The following MBP variants were observed in gnomAD, a reference collection of about 807,000 sequenced individuals.
MBP encodes the protein myelin basic protein, also known as Golli-MBP.
In MBP, 16 loss-of-function variants were observed where a neutral mutation model predicts 35.8. That is an observed-to-expected ratio of 0.45 (90% CI 0.30 to 0.68). The LOEUF (loss-of-function observed/expected upper bound fraction) is 0.68, where lower values mean the gene tolerates loss of function less well. Ranked by LOEUF, MBP falls within the 30% of genes least tolerant of loss-of-function variation. The probability of loss-of-function intolerance (pLI) is 0.08; values close to 1 mark genes in which losing one functional copy is unlikely to be tolerated. For synonymous variants in MBP, 143 were observed against 159.6 expected, an observed-to-expected ratio of 0.90 and a Z score of 0.78; for missense variants, 380 against 404.7, an observed-to-expected ratio of 0.94 and a Z score of 0.52.
At chr18:77,046,258 T>C (rs1217074270) in intron 3 of MBP, among the ~76,000 whole-genome samples, 1 of 152,224 alleles carries the variant, frequency 6.6e-6, no homozygotes, top group Non-Finnish European at 1.5e-5. Context: ...ACTCTGCCTA[T>C]TCTAGAACAT....
In MBP at chr18:77,044,146, C is replaced by G. The variant is rs773701106; in HGVS notation, c.139+22152G>C. On this transcript the variant is annotated intron_variant, in intron 3 of 8. Coordinates refer to ENST00000355994, the MANE Select transcript of MBP (RefSeq NM_001025101.2). This position sits in a 1 kb window ranked among gnomAD's most constrained non-coding sequence, Gnocchi z 4.4. ...GCACACTGGGCTGGTCTGCAGAGGT[C>G]GAATGCACTCCCTGGTGACTTACAC... Among the ~76,000 whole-genome samples the G allele has an allele frequency of 3.3e-5, 5 of 152,124 alleles. No homozygotes were observed. Among genetic ancestry groups the G allele is most frequent in the Non-Finnish European group, 7.4e-5 (5 of 68,014 alleles).
chr18:77,025,725 T>TTTTTTTTTTTTTTA (rs1972192065), intron 3 of MBP, among the ~76,000 whole-genome samples: 2 of 150,032 alleles, frequency 1.3e-5, no homozygotes, highest in Admixed American at 6.6e-5. Context: ...TTTTTTTTTT[T>TTTTTTTTTTTTTTA]ACCTAGAGCA....
At chr18:77,043,408 A>G (rs1200203731) in intron 3 of MBP, among the ~76,000 whole-genome samples, 1 of 152,036 alleles carries the variant, frequency 6.6e-6, no homozygotes, top group Non-Finnish European at 1.5e-5. Context: ...TTCTGTTTTT[A>G]TCGCAGGGAC....
intron 2 of MBP, among the ~76,000 whole-genome samples, chr18:77,098,164 CTTCCT>C (rs1975841782): frequency 1.3e-5 from 1 of 75,310 alleles, no homozygotes; most frequent in African/African-American, 4.2e-5. Context: ...GACACAAGGA[CTTCCT>C]TTTTTTTTTT....
chr18:77,035,362 C>G (rs1465207444), intron 3 of MBP, among the ~76,000 whole-genome samples: 3 of 152,168 alleles, frequency 2.0e-5, no homozygotes, highest in Non-Finnish European at 4.4e-5. Context: ...TGTTGTGTGC[C>G]CAGTAGATGT....
intron 1 of MBP, among the ~76,000 whole-genome samples, chr18:77,121,318 A>T (rs1228605405): frequency 2.1e-5 from 3 of 142,028 alleles, no homozygotes; most frequent in East Asian, 2.1e-4. Context: ...TCAAAAAAAA[A>T]AAAATAAATA....
At chr18:76,997,971 C>T (rs1459683662) in intron 4 of MBP, among the ~76,000 whole-genome samples, 3 of 152,334 alleles carry the variant, frequency 2.0e-5, no homozygotes, top group African/African-American at 2.4e-5. Context: ...CGTGAGCCAC[C>T]ACGCCCGGCC....
chr18:77,128,483 G>C (rs547954701), intron 1 of MBP, among the ~76,000 whole-genome samples: 69 of 151,600 alleles, frequency 4.6e-4, no homozygotes, highest in African/African-American at 1.6e-3. Flanking sequence ...GGTTCTACAT[G>C]GGTGATAAAA....
At chr18:77,117,559 T>C (rs1345077157) in intron 1 of MBP, among the ~76,000 whole-genome samples, 4 of 152,228 alleles carry the variant, frequency 2.6e-5, no homozygotes, top group African/African-American at 9.6e-5. Context: ...AACACATTCA[T>C]AGTTCCGTGG....
intron 2 of MBP, among the ~76,000 whole-genome samples, chr18:77,094,129 A>T (rs894047177): frequency 2.6e-5 from 4 of 151,940 alleles, no homozygotes; most frequent in Non-Finnish European, 5.9e-5. Flanking sequence ...GGTGTTCACC[A>T]CTACACCTGG....
At chr18:77,042,266 G>T (rs1363283769) in intron 3 of MBP, among the ~76,000 whole-genome samples, 1 of 152,120 alleles carries the variant, frequency 6.6e-6, no homozygotes, top group Non-Finnish European at 1.5e-5. Context: ...TGAAAACCTG[G>T]AAAACCTCCT....
intron 4 of MBP, among the ~76,000 whole-genome samples, chr18:76,993,821 G>A (rs1970112661): frequency 6.6e-6 from 1 of 152,150 alleles, no homozygotes; most frequent in African/African-American, 2.4e-5. Context: ...ACAGAGGAGT[G>A]GAGTTTGCAC....
intron 3 of MBP, among the ~76,000 whole-genome samples, chr18:77,025,698 T>C (rs952542774): frequency 9.0e-5 from 13 of 144,492 alleles, no homozygotes; most frequent in Non-Finnish European, 1.8e-4. Context: ...TGTCCTCTAT[T>C]GAAATACTTT....
intron 4 of MBP, chr18:77,016,320 C>T: frequency 1.5e-5 from 15 of 987,346 alleles, no homozygotes; most frequent in Non-Finnish European, 1.8e-5. Flanking sequence ...AACGTTTGCT[C>T]AAGGCGGATT....
rs755486937 is a variant in MBP at position 77,081,996 on chromosome 18, T to C, written c.52-15611A>G. ...CCTCCCAAGTAGCTGGGACTACAGG[T>C]GCCCGCCACAACGCCTGGCTAATTT... On this transcript the variant is annotated intron_variant, in intron 2 of 8. Transcript: ENST00000355994. Among the ~76,000 whole-genome samples, 144 of 151,430 alleles carry C rather than the reference T, an allele frequency of 9.5e-4. 1 individual carries two copies. Among genetic ancestry groups the C allele is most frequent in the South Asian group, 6.7e-3 (32 of 4,762 alleles).
In MBP at chr18:77,131,046, A is replaced by C. The variant is rs1977234543; in HGVS notation, c.-26+1534T>G. Among the ~76,000 whole-genome samples the C allele has an allele frequency of 1.4e-5, 2 of 142,348 alleles. No individual in the cohort carries two copies. Among genetic ancestry groups the C allele is most frequent in the African/African-American group, 2.6e-5 (1 of 38,494 alleles). 93.4% of individuals were successfully genotyped at this position (142,348 alleles called of 152,430 possible). On this transcript the variant is annotated intron_variant, in intron 1 of 8. Coordinates refer to ENST00000355994, the MANE Select transcript of MBP (RefSeq NM_001025101.2). The surrounding 1 kb of genome is among the most constrained non-coding windows in gnomAD (Gnocchi z 5.5). ...CCCACAAAAAAAAAAAAAAAACAAA[A>C]CCTCAAAAAACAAAACACACACACG... is the stretch of plus-strand genomic sequence containing the variant.
intron 1 of MBP, among the ~76,000 whole-genome samples, chr18:77,106,348 T>C (rs1976275963): frequency 6.6e-6 from 1 of 152,188 alleles, no homozygotes; most frequent in African/African-American, 2.4e-5. Flanking sequence ...GGTCCCTTTT[T>C]GGTGGCTCAG....
rs1391202616 is a variant in MBP, at chr18:76,989,208, C to T, written c.682-296G>A. On this transcript the variant is annotated intron_variant, in intron 5 of 8. Coordinates refer to ENST00000355994, the MANE Select transcript of MBP (RefSeq NM_001025101.2). This position sits in a 1 kb window ranked among gnomAD's most constrained non-coding sequence, Gnocchi z 4.0. ...CATCTTGGGACACTGAGGGAGGCGGCGGACTTTGCTTCACCGTGAGCCCTT... is the reference window on the plus strand; with the variant it reads ...CATCTTGGGACACTGAGGGAGGCGGTGGACTTTGCTTCACCGTGAGCCCTT... The T allele has an allele frequency of 1.7e-6, 1 of 589,352 alleles. No homozygotes were observed. Among genetic ancestry groups the T allele is most frequent in the Non-Finnish European group, 3.1e-6 (1 of 319,886 alleles). The allele number at this position is 589,352 out of a possible 1,614,324, so 36.5% of individuals were successfully genotyped here. A position where few individuals can be genotyped will look rare whatever the true frequency, so the allele number is the denominator to read the frequency against.
intron 7 of MBP, 30 bp from the exon 8 acceptor site, chr18:76,984,924 C>T (rs1969451117): frequency 1.9e-6 from 3 of 1,610,484 alleles, no homozygotes; most frequent in South Asian, 1.1e-5. Flanking sequence ...AGCTCAACCT[C>T]CACCCGCGGT....
Sources: gnomAD v4.1 joint callset for allele counts (sites outside exome capture counted in the v4.1 genomes callset) on GRCh38, gnomAD v4.1.1 for gene constraint, Gnocchi (gnomAD v3.1) non-coding constraint, MANE v1.5 for transcripts, NCBI Gene and HGNC (gene_info 2026-07-23, HGNC 2026-07-21) for gene names.